THSD7A: variants seen among roughly 807,000 people sequenced by gnomAD.
THSD7A encodes thrombospondin type 1 domain containing 7A.
In THSD7A, 96 loss-of-function variants were observed where a neutral mutation model predicts 231.3. That is an observed-to-expected ratio of 0.41 (90% CI 0.35 to 0.49). The LOEUF (loss-of-function observed/expected upper bound fraction) is 0.49. Among genes scored for constraint, THSD7A ranks in the 20% least tolerant of loss-of-function variants. The pLI is 0.05. For synonymous variants in THSD7A, 940 were observed against 743.3 expected (o/e 1.26, Z -4.30); for missense variants, 2,290 against 2,070.2 (o/e 1.11, Z -2.06).
chr7:11,665,606 A>G (rs561235246), intron 1 of THSD7A, among the ~76,000 whole-genome samples: 14 of 152,078 alleles, frequency 9.2e-5, no homozygotes, highest in Non-Finnish European at 2.1e-4. Context: ...TCCTTTTGTA[A>G]TCTTTAGTTG....
intron 13 of THSD7A, among the ~76,000 whole-genome samples, chr7:11,443,676 G>A (rs1470377233): frequency 6.6e-6 from 1 of 151,860 alleles, no homozygotes; most frequent in Non-Finnish European, 1.5e-5. Flanking sequence ...TCTGGAGATT[G>A]ATTGCCCAAC....
intron 1 of THSD7A, among the ~76,000 whole-genome samples, chr7:11,728,351 G>C (rs987976746): frequency 2.0e-5 from 3 of 151,890 alleles, no homozygotes; most frequent in African/African-American, 4.8e-5. Context: ...ATGTATTGGA[G>C]TTTTCCTATA....
chr7:11,831,726 G>C lies in THSD7A; in HGVS notation c.190+31C>G, dbSNP rs370937764. On this transcript the variant is annotated intron_variant, in intron 1 of 27. Transcript: ENST00000423059. This position sits in a 1 kb window ranked among gnomAD's most constrained non-coding sequence, Gnocchi z 5.0. ...TCCTTAATGTGGCCCCAGATGTGAA[G>C]ATGGGGAAAGGGTAACTCCGTCCCA... is the stretch of plus-strand genomic sequence containing the variant. The C allele has an allele frequency of 1.5e-6, 2 of 1,368,378 alleles. No individual in the cohort carries two copies. Among genetic ancestry groups the C allele is most frequent in the African/African-American group, 3.0e-5 (2 of 66,704 alleles). 84.8% of individuals were successfully genotyped at this position (1,368,378 alleles called of 1,614,324 possible).
At chr7:11,393,104 C>A (rs550080342) in intron 23 of THSD7A, among the ~76,000 whole-genome samples, 22 of 152,346 alleles carry the variant, frequency 1.4e-4, no homozygotes, top group African/African-American at 4.6e-4. Flanking sequence ...AGATACCTCT[C>A]AGCAGGGGTT....
intron 23 of THSD7A, among the ~76,000 whole-genome samples, chr7:11,392,436 A>C (rs1783018979): frequency 6.6e-6 from 1 of 152,132 alleles, no homozygotes; most frequent in South Asian, 2.1e-4. Flanking sequence ...CTTGGGTTTC[A>C]AGCACAAAAC....
intron 1 of THSD7A, among the ~76,000 whole-genome samples, chr7:11,796,766 C>A (rs1784137397): frequency 6.6e-6 from 1 of 152,018 alleles, no homozygotes; most frequent in Admixed American, 6.6e-5. Context: ...ATCAAACTTT[C>A]TCATTAATGT....
intron 16 of THSD7A, among the ~76,000 whole-genome samples, chr7:11,418,200 T>C (rs1236733059): frequency 1.3e-5 from 2 of 152,192 alleles, no homozygotes; most frequent in African/African-American, 4.8e-5. Flanking sequence ...CTGTGAATCT[T>C]AAAAGAAAGT....
rs1782550046 is a variant in THSD7A at position 11,752,936 on chromosome 7, CAAT to C, written c.190+78818_190+78820del. On this transcript the variant is annotated intron_variant, in intron 1 of 27. Transcript: ENST00000423059. Reference sequence around the variant, plus strand: ...AGTGAGAGACCCTGTCTCAGTCAATCAATCAATCAATCAATCAATCAATCATTT... The same window carrying C: ...AGTGAGAGACCCTGTCTCAGTCAATCCAATCAATCAATCAATCAATCATTT... Among the ~76,000 whole-genome samples, 3 of 144,176 alleles carry C rather than the reference CAAT, an allele frequency of 2.1e-5. No individual in the cohort carries two copies. In the South Asian group the frequency reaches 6.3e-4, roughly 30 times the overall value. The allele number at this position is 144,176 out of a possible 152,430, so 94.6% of individuals were successfully genotyped here.
chr7:11,768,436 A>C (rs777896151), intron 1 of THSD7A, among the ~76,000 whole-genome samples: 3 of 152,214 alleles, frequency 2.0e-5, no homozygotes, highest in Non-Finnish European at 2.9e-5. Context: ...GGAGTCATTT[A>C]GACTGTCTAG....
rs1450491994 is a variant in THSD7A at position 11,401,834 on chromosome 7, G to T, written c.4372C>A (p.Leu1458Met). The change falls in exon 23 of 28, where the codon CTG (leucine) becomes ATG (methionine). Residue 1458 changes from leucine (L) to methionine (M), a missense_variant. By Grantham distance (15) the Leu-to-Met change is conservative. Coordinates refer to ENST00000423059, the MANE Select transcript of THSD7A (RefSeq NM_015204.3). ...GTTTCTAACATCTGCTCTGGGCACA[G>T]ATGCTGATTCTCTAGTTCTTGTATA... ...VIIQELENQH[L>M]CPEQMLETKS... 1 of 1,613,670 alleles carries T rather than the reference G, an allele frequency of 6.2e-7. No homozygotes were observed. The highest frequency in any genetic ancestry group is 2.2e-5 in the East Asian group (1 of 44,894).
intron 1 of THSD7A, among the ~76,000 whole-genome samples, chr7:11,687,866 C>CT (rs371731235): frequency 1.6e-4 from 23 of 147,160 alleles, no homozygotes; most frequent in East Asian, 6.1e-4. Flanking sequence ...TGGGGTGTTT[C>CT]TTTTTTTTTT....
At chr7:11,443,130 T>G (rs1784857028) in intron 13 of THSD7A, among the ~76,000 whole-genome samples, 1 of 152,136 alleles carries the variant, frequency 6.6e-6, no homozygotes, top group Non-Finnish European at 1.5e-5. Flanking sequence ...CTCATGCATC[T>G]AATTAACAAA....
At chr7:11,550,978 G>C (rs989796313) in intron 4 of THSD7A, among the ~76,000 whole-genome samples, 5 of 151,992 alleles carry the variant, frequency 3.3e-5, no homozygotes, top group Admixed American at 3.3e-4. Context: ...AAAACAGCAC[G>C]GTACTGATTC....
Position 11,814,567 on chromosome 7 carries a change from G to A in THSD7A, c.190+17190C>T, listed in dbSNP as rs1237232248. On this transcript the variant is annotated intron_variant, in intron 1 of 27. Coordinates refer to ENST00000423059, the MANE Select transcript of THSD7A (RefSeq NM_015204.3). The surrounding 1 kb of genome is among the most constrained non-coding windows in gnomAD (Gnocchi z 5.1). ...ATTCTGCAGTGCTTGATCAACCAAG[G>A]TTGAAGGACCACCTTGTCTGCTTCA... Among the ~76,000 whole-genome samples, 2 of 152,144 alleles carry A rather than the reference G, an allele frequency of 1.3e-5. No individual in the cohort carries two copies. The highest frequency in any genetic ancestry group is 2.4e-5 in the African/African-American group (1 of 41,438).
In THSD7A at chr7:11,637,127, T is replaced by C. The variant is rs1365883861; in HGVS notation, c.191-166A>G. Among the ~76,000 whole-genome samples, 2 of 152,200 alleles carry C rather than the reference T, an allele frequency of 1.3e-5. No individual in the cohort carries two copies. The highest frequency in any genetic ancestry group is 2.9e-5 in the Non-Finnish European group (2 of 68,032). ...GGAAAGTAATGATCCTCGCTAAGTA[T>C]TTTTGCAAAAGGGGAACTGTGTCAC... is the stretch of plus-strand genomic sequence containing the variant. On this transcript the variant is annotated intron_variant, in intron 1 of 27. Coordinates refer to ENST00000423059, the MANE Select transcript of THSD7A (RefSeq NM_015204.3). This position sits in a 1 kb window ranked among gnomAD's most constrained non-coding sequence, Gnocchi z 4.2.
intron 6 of THSD7A, among the ~76,000 whole-genome samples, chr7:11,508,340 C>G (rs1787645369): frequency 6.6e-6 from 1 of 152,000 alleles, no homozygotes; most frequent in Non-Finnish European, 1.5e-5. Flanking sequence ...CACTAATCAT[C>G]AGGTAAATGC....
At chr7:11,823,044 G>C (rs570222784) in intron 1 of THSD7A, among the ~76,000 whole-genome samples, 1 of 152,142 alleles carries the variant, frequency 6.6e-6, no homozygotes, top group African/African-American at 2.4e-5. Flanking sequence ...ATGTCCAGAA[G>C]AGTTTTCCAT....
At chr7:11,758,909 T>C (rs1782768619) in intron 1 of THSD7A, among the ~76,000 whole-genome samples, 1 of 152,056 alleles carries the variant, frequency 6.6e-6, no homozygotes, top group African/African-American at 2.4e-5. Context: ...AGTAAAACTT[T>C]ATTCATGAAA....
intron 4 of THSD7A, among the ~76,000 whole-genome samples, chr7:11,569,127 G>T (rs544015581): frequency 5.7e-4 from 86 of 152,084 alleles, no homozygotes; most frequent in South Asian, 1.0e-3. Flanking sequence ...CATTGGTCTA[G>T]GCAAAGATTT....
Sources: gnomAD v4.1 joint callset for allele counts (sites outside exome capture counted in the v4.1 genomes callset) on GRCh38, gnomAD v4.1.1 for gene constraint, Gnocchi (gnomAD v3.1) non-coding constraint, MANE v1.5 for transcripts, NCBI Gene and HGNC (gene_info 2026-07-23, HGNC 2026-07-21) for gene names.